Variants in NEAT1 observed in about 807,000 individuals in gnomAD.
NEAT1 encodes nuclear paraspeckle assembly transcript 1.
exon 1 of NEAT1, chr11:65,444,198 C>G (rs1019693695): frequency 3.3e-6 from 1 of 307,344 alleles, no homozygotes; most frequent in Non-Finnish European, 6.4e-6. Flanking sequence ...CCAACACATT[C>G]CCCACCCCTT....
chr11:65,440,866 CA>C (rs1367600807), exon 1 of NEAT1: 1 of 147,102 alleles, frequency 6.8e-6, no homozygotes, highest in African/African-American at 2.5e-5. Context: ...AAAAAAAAAC[CA>C]AGAAGAAAAG....
exon 1 of NEAT1, chr11:65,434,635 A>AC (rs1856641840): frequency 6.6e-6 from 1 of 152,146 alleles, no homozygotes; most frequent in African/African-American, 2.4e-5. Flanking sequence ...CGTCATACAC[A>AC]ACCCCTTGTG....
exon 1 of NEAT1, chr11:65,440,231 G>T (rs1856701411): frequency 1.3e-5 from 2 of 149,630 alleles, no homozygotes; most frequent in African/African-American, 4.9e-5. Context: ...GTTTCCATTT[G>T]TATTAATGGA....
chr11:65,425,206 A>G (rs1245290812), exon 1 of NEAT1: 1 of 152,174 alleles, frequency 6.6e-6, no homozygotes, highest in Non-Finnish European at 1.5e-5. Context: ...CAAACAGACA[A>G]ACTAACAAAC....
At chr11:65,431,420 A>G (rs1376723337) in exon 1 of NEAT1, 1 of 152,192 alleles carries the variant, frequency 6.6e-6, no homozygotes, top group Non-Finnish European at 1.5e-5. Context: ...TTTTGAGTAT[A>G]TAGCCAGAAG....
chr11:65,425,793 C>A (rs563116278), exon 1 of NEAT1: 1 of 152,090 alleles, frequency 6.6e-6, no homozygotes, highest in African/African-American at 2.4e-5. Context: ...TTAATAATGG[C>A]AAAATTTTTG....
chr11:65,437,223 A>G (rs191326785), exon 1 of NEAT1: 6 of 142,908 alleles, frequency 4.2e-5, no homozygotes, highest in South Asian at 2.1e-4. Context: ...ATATATATAT[A>G]TATACATATA....
exon 1 of NEAT1, chr11:65,444,263 CTGTGTGTGTGTGTGTGTGTGTGTGTG>C (rs66756887): frequency 0.015 from 3,860 of 254,442 alleles, 7 homozygotes; most frequent in East Asian, 0.044. Flanking sequence ...AGTCCTCAGA[CTGTGTGTGTGTGTGTGTGTGTGTGTG>C]TGTGTGTGTG....
At chr11:65,430,816 A>G (rs1856608162) in exon 1 of NEAT1, 1 of 152,146 alleles carries the variant, frequency 6.6e-6, no homozygotes, top group South Asian at 2.1e-4. Context: ...AGTATATGAT[A>G]TCCATTTCCC....
At chr11:65,437,379 C>CT (rs1856671439) in exon 1 of NEAT1, 1 of 151,696 alleles carries the variant, frequency 6.6e-6, no homozygotes, top group African/African-American at 2.4e-5. Context: ...TTGGAGGACT[C>CT]TATCTAGACT....
exon 1 of NEAT1, chr11:65,432,603 C>G (rs1483096359): frequency 1.3e-5 from 2 of 151,596 alleles, no homozygotes; most frequent in African/African-American, 2.4e-5. Flanking sequence ...TGACTAAATA[C>G]TGTCTTGGTT....
exon 1 of NEAT1, chr11:65,436,019 C>A: frequency 6.6e-6 from 1 of 152,334 alleles, no homozygotes; most frequent in Non-Finnish European, 1.5e-5. Flanking sequence ...GTGCTGTCTG[C>A]GCCTGCCCTC....
chr11:65,422,842 G>C (rs992875222), exon 1 of NEAT1: 1 of 153,008 alleles, frequency 6.5e-6, no homozygotes. Flanking sequence ...GTAGTTGTGG[G>C]GGAGGAAGTG....
At chr11:65,428,462 A>G (rs546234937) in exon 1 of NEAT1, 1 of 152,328 alleles carries the variant, frequency 6.6e-6, no homozygotes, top group African/African-American at 2.4e-5. Context: ...CTCCATGTGC[A>G]GTGAGACCTC....
chr11:65,444,596 C>T, exon 1 of NEAT1: 1 of 457,048 alleles, frequency 2.2e-6, no homozygotes, highest in Non-Finnish European at 4.6e-6. Context: ...TCCCACGGAC[C>T]CGCCGTGGGC....
chr11:65,443,129 C>CG (rs1210096222), exon 1 of NEAT1: 16 of 152,322 alleles, frequency 1.1e-4, no homozygotes, highest in African/African-American at 3.9e-4. Context: ...TGGTCAAATC[C>CG]GATCTGCCAT....
At chr11:65,429,013 A>G (rs1330600843) in exon 1 of NEAT1, 1 of 152,154 alleles carries the variant, frequency 6.6e-6, no homozygotes, top group Non-Finnish European at 1.5e-5. Flanking sequence ...CTATTTTGTG[A>G]CTTTAATATA....
At chr11:65,433,566 A>G (rs1339610575) in exon 1 of NEAT1, 2 of 152,176 alleles carry the variant, frequency 1.3e-5, no homozygotes, top group Non-Finnish European at 2.9e-5. Context: ...AGTAACTCCT[A>G]TGGTTACAAT....
At chr11:65,440,312 A>G (rs1022168315) in exon 1 of NEAT1, 2 of 151,914 alleles carry the variant, frequency 1.3e-5, no homozygotes, top group African/African-American at 4.8e-5. Flanking sequence ...TGACACAGAA[A>G]TAAATTAGAA....
Sources: gnomAD v4.1 joint callset for allele counts on GRCh38, gnomAD v4.1.1 for gene constraint, MANE v1.5 for transcripts, NCBI Gene and HGNC (gene_info 2026-07-23, HGNC 2026-07-21) for gene names.